Variants in BRWD1 observed in about 807,000 individuals in gnomAD.
The protein encoded by BRWD1 is bromodomain and WD repeat domain containing 1, also known as bromodomain and WD repeat-containing protein 1.
A neutral mutation model predicts 251.2 loss-of-function variants in BRWD1; 82 were observed. That is an observed-to-expected ratio of 0.33 (90% CI 0.27 to 0.39). BRWD1 has a LOEUF of 0.39. BRWD1 is among the 10% of genes least tolerant of loss of function. The pLI is 1.00. For missense variants in BRWD1, 2,233 were observed against 2,711.6 expected (o/e 0.82, Z 3.92); for synonymous variants, 918 against 902.8 (o/e 1.02, Z -0.30).
intron 13 of BRWD1, among the ~76,000 whole-genome samples, chr21:39,271,867 T>C (rs1261432628): frequency 6.6e-6 from 1 of 151,606 alleles, no homozygotes; most frequent in Non-Finnish European, 1.5e-5. Context: ...GATGAAATCA[T>C]GCCTCTATAA....
At chr21:39,292,416 G>T (rs1015625848) in intron 8 of BRWD1, among the ~76,000 whole-genome samples, 1 of 152,144 alleles carries the variant, frequency 6.6e-6, no homozygotes, top group Non-Finnish European at 1.5e-5. Context: ...TCATCAGTGA[G>T]TAATACAAAA....
upstream of BRWD1, among the ~76,000 whole-genome samples, chr21:39,318,783 T>G (rs974819836): frequency 2.0e-5 from 3 of 152,146 alleles, no homozygotes; most frequent in African/African-American, 7.2e-5. Context: ...CATGCCTGGC[T>G]AATTTTTTAC....
Position 39,232,340 on chromosome 21 carries a change from A to G in BRWD1, c.2892+33T>C, listed in dbSNP as rs1236572971. 3.8e-6 allele frequency: 6 copies of G among 1,599,560 alleles called. No individual in the cohort carries two copies. In the East Asian group the frequency reaches 1.3e-4, roughly 36 times the overall value. ...AAGAGCAATATAAACTTTATGTTCCATATTCGTGTTTTTAAATTTGTATTA... is the reference window on the plus strand; with the variant it reads ...AAGAGCAATATAAACTTTATGTTCCGTATTCGTGTTTTTAAATTTGTATTA... On this transcript the variant is annotated intron_variant, in intron 24 of 40. Transcript: ENST00000342449.
chr21:39,229,250 A>G (rs1372607888), intron 26 of BRWD1, 62 bp downstream of exon 26: 2 of 1,385,308 alleles, frequency 1.4e-6, no homozygotes, highest in Non-Finnish European at 2.0e-6. Flanking sequence ...CATGCTAATC[A>G]TTCAATCAGC....
rs9982825 is a variant in BRWD1, at chr21:39,301,981, T to A, written c.199-3399A>T. Among the ~76,000 whole-genome samples, 14 of 124,704 alleles carry A rather than the reference T, an allele frequency of 1.1e-4. No homozygotes were observed. In the East Asian group the frequency reaches 1.3e-3, roughly 12 times the overall value. The allele number at this position is 124,704 out of a possible 152,430, so 81.8% of individuals were successfully genotyped here. A position where few individuals can be genotyped will look rare whatever the true frequency, so the allele number is the denominator to read the frequency against. ...CCTTTGTTAAAAAGCTTTGTGTGTTTTTTTTTTTTTTTTTTTTTTTTGAGA... is the reference window on the plus strand; with the variant it reads ...CCTTTGTTAAAAAGCTTTGTGTGTTATTTTTTTTTTTTTTTTTTTTTGAGA... On this transcript the variant is annotated intron_variant, in intron 4 of 40. Coordinates refer to ENST00000342449, the MANE Select transcript of BRWD1 (RefSeq NM_033656.4).
chr21:39,318,744 G>A (rs2036721808), upstream of BRWD1, among the ~76,000 whole-genome samples: 1 of 152,062 alleles, frequency 6.6e-6, no homozygotes, highest in Non-Finnish European at 1.5e-5. Flanking sequence ...TCCTACCGCT[G>A]AGTACTTGAG....
Position 39,298,223 on chromosome 21 carries a change from T to G in BRWD1, c.349+209A>C, listed in dbSNP as rs1368818731. 9 of 1,211,500 alleles carry G rather than the reference T, an allele frequency of 7.4e-6. No homozygotes were observed. In the African/African-American group the frequency reaches 9.4e-5, roughly 13 times the overall value. 75.0% of individuals were successfully genotyped at this position (1,211,500 alleles called of 1,614,324 possible). On this transcript the variant is annotated intron_variant, in intron 5 of 40. Transcript: ENST00000342449. ...CAAGCTTTTTAGCTTAACATCTATA[T>G]CTTTATCAACTTTTTAATGCAGAAG... is the stretch of plus-strand genomic sequence containing the variant.
chr21:39,200,330 A>T lies in BRWD1; in HGVS notation c.4642T>A (p.Ser1548Thr), dbSNP rs138123017. The change falls in exon 39 of 41, where the codon TCT becomes ACT. Residue 1548 changes from serine (S) to threonine (T), a missense_variant. Physicochemically the swap from Ser to Thr is moderately conservative, Grantham distance 58. Around this residue, in one of 12 missense-constraint regions of BRWD1, gnomAD observed 928 missense variants for 970.0 expected, o/e 0.96. Coordinates refer to ENST00000342449, the MANE Select transcript of BRWD1 (RefSeq NM_033656.4). ...TSLSSSASSS[S>T]EESKESSRAR... The stretch of plus-strand genomic sequence containing the variant: ...CTGGAACTCTCTTTGCTTTCCTCAG[A>T]ACTACTGGAAGCTGACGATGACAAA... 195 of 1,614,110 alleles carry T rather than the reference A, an allele frequency of 1.2e-4. No individual in the cohort carries two copies. In the African/African-American group the frequency reaches 2.4e-3, roughly 20 times the overall value.
rs752494269 is a variant in BRWD1 at position 39,206,175 on chromosome 21, G to C, written c.4297C>G (p.Arg1433Gly). ...KIGQKFNEKL[R>G]RSQRFKQRQN... is the part of the protein sequence containing the mutation. Reference sequence around the variant, plus strand: ...CGTTGCTTGAACCTCTGGCTTCTTCGAAGTTTTTCATTGAATTTTTGACCA... The same window carrying C: ...CGTTGCTTGAACCTCTGGCTTCTTCCAAGTTTTTCATTGAATTTTTGACCA... Residue 1433 changes from arginine to glycine, a missense_variant, in exon 37 of 41, where the codon CGA becomes GGA. Transcript: ENST00000342449. 5.6e-6 allele frequency: 9 copies of C among 1,613,536 alleles called. No individual in the cohort carries two copies. Among genetic ancestry groups the C allele is most frequent in the East Asian group, 2.2e-5 (1 of 44,840 alleles).
intron 5 of BRWD1, chr21:39,297,249 C>G: frequency 1.0e-6 from 1 of 985,488 alleles, no homozygotes; most frequent in Non-Finnish European, 1.2e-6. Flanking sequence ...TAAACCTCTA[C>G]TGAGCCTCGG....
chr21:39,185,134 G>A (rs1297648150), downstream of BRWD1: 1 of 151,928 alleles, frequency 6.6e-6, no homozygotes, highest in African/African-American at 2.4e-5. Flanking sequence ...TTTAGGCCAA[G>A]CACTTTTTAA....
chr21:39,208,090 C>A (rs2032490396), intron 36 of BRWD1, among the ~76,000 whole-genome samples: 1 of 152,124 alleles, frequency 6.6e-6, no homozygotes, highest in African/African-American at 2.4e-5. Context: ...CTGAATTGTA[C>A]TCATAAAAAT....
At chr21:39,206,882 A>G (rs1451324952) in intron 36 of BRWD1, among the ~76,000 whole-genome samples, 2 of 152,256 alleles carry the variant, frequency 1.3e-5, no homozygotes, top group African/African-American at 4.8e-5. Flanking sequence ...TATGTACAGA[A>G]CTACTCTATC....
chr21:39,307,461 G>A (rs1395447941), intron 4 of BRWD1, among the ~76,000 whole-genome samples: 1 of 151,834 alleles, frequency 6.6e-6, no homozygotes, highest in Non-Finnish European at 1.5e-5. Flanking sequence ...ATGTATATAT[G>A]TTTGTATGTA....
At chr21:39,241,553 C>T (rs13051645) in intron 21 of BRWD1, among the ~76,000 whole-genome samples, 5 of 135,362 alleles carry the variant, frequency 3.7e-5, no homozygotes, top group Non-Finnish European at 7.8e-5. Flanking sequence ...AGCCAGGTTT[C>T]TCTGTACAGA....
chr21:39,313,673 G>GGGGAGGAAGTAGTCCCTCCGCAA, upstream of BRWD1: 2 of 403,676 alleles, frequency 5.0e-6, no homozygotes, highest in Non-Finnish European at 8.6e-6. Flanking sequence ...TTCCTCCGCG[G>GGGGAGGAAGTAGTCCCTCCGCAA]GAGACGAAAA....
intron 29 of BRWD1, among the ~76,000 whole-genome samples, chr21:39,223,435 A>C (rs979346650): frequency 2.6e-5 from 4 of 152,182 alleles, no homozygotes; most frequent in Non-Finnish European, 5.9e-5. Context: ...AAAACACATA[A>C]AGAAAGCTTG....
intron 21 of BRWD1, among the ~76,000 whole-genome samples, chr21:39,242,267 C>T (rs779252471): frequency 1.2e-4 from 19 of 152,302 alleles, no homozygotes; most frequent in Non-Finnish European, 1.8e-4. Flanking sequence ...AATAGCCATA[C>T]GGCTAATATA....
chr21:39,240,058 A>AAAAC (rs374552266), intron 21 of BRWD1, among the ~76,000 whole-genome samples: 1 of 152,190 alleles, frequency 6.6e-6, no homozygotes, highest in African/African-American at 2.4e-5. Flanking sequence ...TGTGCTAAAA[A>AAAAC]AAACAAACAA....
Sources: gnomAD v4.1 joint callset for allele counts (sites outside exome capture counted in the v4.1 genomes callset) on GRCh38, gnomAD v4.1.1 for gene constraint, gnomAD v4.1.1 regional missense constraint, MANE v1.5 for transcripts, NCBI Gene and HGNC (gene_info 2026-07-23, HGNC 2026-07-21) for gene names.